PARD3B: variants seen among roughly 807,000 people sequenced by gnomAD.
The protein encoded by PARD3B is partitioning defective 3 homolog B.
PARD3B carries 103 observed loss-of-function variants against 130.2 expected under a neutral mutation model. That is an observed-to-expected ratio of 0.79 (90% CI 0.67 to 0.93). PARD3B has a LOEUF of 0.93. PARD3B is among the 40% of genes least tolerant of loss of function. The pLI is 0.00. For missense variants in PARD3B, 1,609 were observed against 1,499.2 expected (o/e 1.07, Z -1.21); for synonymous variants, 583 against 553.2 (o/e 1.05, Z -0.76).
At chr2:205,613,568 T>C (rs1175224749) in intron 22 of PARD3B, among the ~76,000 whole-genome samples, 2 of 152,196 alleles carry the variant, frequency 1.3e-5, no homozygotes, top group African/African-American at 4.8e-5. Flanking sequence ...TGTGCTCCAT[T>C]TGTCATGGGC....
chr2:204,827,568 A>G lies in PARD3B; in HGVS notation c.223-137584A>G, dbSNP rs1248478190. The stretch of plus-strand genomic sequence containing the variant: ...AATTTTCAAAGTACCCATTAGTCTA[A>G]CACTTTTAGGATAACAAAACTAAAT... On this transcript the variant is annotated intron_variant, in intron 2 of 22. Transcript: ENST00000406610. Among the ~76,000 whole-genome samples the G allele has an allele frequency of 2.0e-5, 3 of 152,190 alleles. No homozygotes were observed. In the East Asian group the frequency reaches 5.8e-4, roughly 29 times the overall value.
intron 4 of PARD3B, among the ~76,000 whole-genome samples, chr2:205,088,147 G>A (rs1701856628): frequency 6.6e-6 from 1 of 152,144 alleles, no homozygotes; most frequent in Non-Finnish European, 1.5e-5. Flanking sequence ...TAACTCATGG[G>A]CACTCACCAG....
At chr2:205,357,242 A>G (rs1377504493) in intron 18 of PARD3B, among the ~76,000 whole-genome samples, 1 of 152,210 alleles carries the variant, frequency 6.6e-6, no homozygotes, top group African/African-American at 2.4e-5. Context: ...ATAGTTCCCT[A>G]GGAGTTTCGG....
chr2:204,771,038 TGGTGTTA>T (rs925422353), intron 2 of PARD3B, among the ~76,000 whole-genome samples: 4 of 152,112 alleles, frequency 2.6e-5, no homozygotes, highest in Non-Finnish European at 5.9e-5. Context: ...AGCAAATCGC[TGGTGTTA>T]GGTAAGAATT....
intron 15 of PARD3B, among the ~76,000 whole-genome samples, chr2:205,203,249 G>C (rs1257382102): frequency 1.3e-5 from 2 of 151,976 alleles, no homozygotes; most frequent in Non-Finnish European, 2.9e-5. Flanking sequence ...TAGAAATTTT[G>C]GTCAATGGAA....
Position 204,824,204 on chromosome 2 carries a change from T to C in PARD3B, c.222+137922T>C, listed in dbSNP as rs191484920. On this transcript the variant is annotated intron_variant, in intron 2 of 22. Transcript: ENST00000406610. ...TCATCTGTACACCCAGGGACTGATA[T>C]GTTATCCTCTGGCTTCCAATTGCAT... is the stretch of plus-strand genomic sequence containing the variant. Among the ~76,000 whole-genome samples the C allele has an allele frequency of 2.7e-3, 413 of 152,324 alleles. 1 individual carries two copies. Among genetic ancestry groups the C allele is most frequent in the African/African-American group, 9.8e-3 (406 of 41,572 alleles).
At chr2:205,557,901 C>A (rs1057482726) in intron 22 of PARD3B, among the ~76,000 whole-genome samples, 2 of 152,094 alleles carry the variant, frequency 1.3e-5, no homozygotes, top group Non-Finnish European at 2.9e-5. Context: ...CTTTCCTCCC[C>A]CTGCCTACTA....
chr2:205,117,915 G>GTACACACACACACACACATACA (rs1553617385), intron 6 of PARD3B, among the ~76,000 whole-genome samples: 1 of 133,500 alleles, frequency 7.5e-6, no homozygotes, highest in Non-Finnish European at 1.6e-5. Flanking sequence ...ATGTATGTGT[G>GTACACACACACACACACATACA]TACACACACA....
intron 2 of PARD3B, among the ~76,000 whole-genome samples, chr2:204,765,240 T>G (rs887672072): frequency 1.3e-5 from 2 of 152,186 alleles, no homozygotes; most frequent in Admixed American, 1.3e-4. Context: ...CCTGAGAGGT[T>G]GTTTGAAAAA....
chr2:204,922,362 A>G (rs2047713358), intron 2 of PARD3B, among the ~76,000 whole-genome samples: 1 of 152,172 alleles, frequency 6.6e-6, no homozygotes, highest in Non-Finnish European at 1.5e-5. Flanking sequence ...AGAAAAGGGA[A>G]GGATTGTGGA....
Position 205,383,105 on chromosome 2 carries a change from T to TAGATAGATAGATAGATAGATAGAGAGAG in PARD3B, c.2631-17885_2631-17884insGAGAGAGATAGATAGATAGATAGATAGA, listed in dbSNP as rs1553500298. Among the ~76,000 whole-genome samples, 268 of 136,802 alleles carry TAGATAGATAGATAGATAGATAGAGAGAG rather than the reference T, an allele frequency of 2.0e-3. 2 individuals carry two copies. Among genetic ancestry groups the TAGATAGATAGATAGATAGATAGAGAGAG allele is most frequent in the Middle Eastern group, 3.9e-3 (1 of 256 alleles). The allele number at this position is 136,802 out of a possible 152,430, so 89.7% of individuals were successfully genotyped here. ...TTACATAGATAGATAGATAGATAGA[T>TAGATAGATAGATAGATAGATAGAGAGAG]AGATAGATAGATAGATAGATAGATA... On this transcript the variant is annotated intron_variant, in intron 18 of 22. Coordinates refer to ENST00000406610, the MANE Select transcript of PARD3B (RefSeq NM_001302769.2).
rs114818343 is a variant in PARD3B at position 204,782,542 on chromosome 2, T to C, written c.222+96260T>C. On this transcript the variant is annotated intron_variant, in intron 2 of 22. Transcript: ENST00000406610. ...TATGTAATCGGTATGTTATTACATATATGTAATATATATAAAATGTATAAA... is the reference window on the plus strand; with the variant it reads ...TATGTAATCGGTATGTTATTACATACATGTAATATATATAAAATGTATAAA... Among the ~76,000 whole-genome samples the C allele has an allele frequency of 7.5e-3, 1,133 of 150,428 alleles. 15 individuals carry two copies. Among genetic ancestry groups the C allele is most frequent in the African/African-American group, 0.025 (1,039 of 41,178 alleles).
chr2:205,445,214 G>T (rs1425487804), intron 20 of PARD3B, among the ~76,000 whole-genome samples: 1 of 152,124 alleles, frequency 6.6e-6, no homozygotes. Context: ...CTTTATCCTA[G>T]ATCTCTGTGT....
chr2:205,125,654 G>A lies in PARD3B; in HGVS notation c.1351G>A (p.Ala451Thr). The stretch of plus-strand genomic sequence containing the variant: ...CGGACGAACCCAGGAAGAGCTTGTG[G>A]CCATGCTCAGGAGCACCAAGCAGGG... ...VTGRTQEELV[A>T]MLRSTKQGET... The change falls in exon 10 of 23, where the codon GCC (alanine) becomes ACC (threonine). Residue 451 changes from alanine to threonine, a missense_variant. Ala to Thr is a moderately conservative substitution (Grantham distance 58, BLOSUM62 0). Transcript: ENST00000406610. The surrounding 1 kb of genome is among the most constrained non-coding windows in gnomAD (Gnocchi z 4.0). 1 of 1,614,066 alleles carries A rather than the reference G, an allele frequency of 6.2e-7. No individual in the cohort carries two copies. Among genetic ancestry groups the A allele is most frequent in the Non-Finnish European group, 8.5e-7 (1 of 1,179,974 alleles).
chr2:205,360,661 C>T (rs563626207), intron 18 of PARD3B, among the ~76,000 whole-genome samples: 2 of 152,224 alleles, frequency 1.3e-5, no homozygotes, highest in African/African-American at 4.8e-5. Context: ...TGGGGCATAC[C>T]GTGTCATGGC....
At chr2:205,304,216 G>T (rs569641502) in intron 18 of PARD3B, among the ~76,000 whole-genome samples, 1 of 152,270 alleles carries the variant, frequency 6.6e-6, no homozygotes, top group South Asian at 2.1e-4. Context: ...GGTTCCTCAT[G>T]CTCAAAATCT....
chr2:205,154,315 A>G (rs540560466), intron 10 of PARD3B, among the ~76,000 whole-genome samples: 1 of 152,218 alleles, frequency 6.6e-6, no homozygotes, highest in Non-Finnish European at 1.5e-5. Flanking sequence ...ATCACTGGCC[A>G]TCAGAGAAAT....
chr2:205,050,597 A>C (rs1699122149), intron 4 of PARD3B, among the ~76,000 whole-genome samples: 1 of 152,160 alleles, frequency 6.6e-6, no homozygotes, highest in African/African-American at 2.4e-5. Flanking sequence ...GCATAAACAA[A>C]ATAACATAAA....
chr2:204,912,805 C>T (rs1034331598), intron 2 of PARD3B, among the ~76,000 whole-genome samples: 2 of 152,124 alleles, frequency 1.3e-5, no homozygotes, highest in Non-Finnish European at 2.9e-5. Flanking sequence ...CTTCTCTTAA[C>T]ATTACTGTAG....
Sources: gnomAD v4.1 joint callset for allele counts (sites outside exome capture counted in the v4.1 genomes callset) on GRCh38, gnomAD v4.1.1 for gene constraint, Gnocchi (gnomAD v3.1) non-coding constraint, MANE v1.5 for transcripts, NCBI Gene and HGNC (gene_info 2026-07-23, HGNC 2026-07-21) for gene names.